The following IPO11 variants were observed in gnomAD, a reference collection of about 807,000 sequenced individuals.
The protein encoded by IPO11 is importin 11, also known as importin-11.
IPO11 carries 66 observed loss-of-function variants against 143.2 expected under a neutral mutation model. That is an observed-to-expected ratio of 0.46 (90% CI 0.38 to 0.57). IPO11 has a LOEUF of 0.57. Among genes scored for constraint, IPO11 ranks in the 20% least tolerant of loss-of-function variants. The pLI is 0.00. For synonymous variants in IPO11, 385 were observed against 377.8 expected, an observed-to-expected ratio of 1.02 and a Z score of -0.22; for missense variants, 1,026 against 1,141.0, an observed-to-expected ratio of 0.90 and a Z score of 1.45.
intron 1 of IPO11, 86 bp from the exon 2 acceptor site, chr5:62,437,188 T>A: frequency 9.2e-7 from 1 of 1,089,572 alleles, no homozygotes; most frequent in Non-Finnish European, 1.3e-6. Flanking sequence ...ATTCAGAACA[T>A]GAAAGCTTTT....
intron 21 of IPO11, among the ~76,000 whole-genome samples, chr5:62,529,505 T>C (rs73760832): frequency 0.018 from 2,670 of 152,272 alleles, 87 homozygotes; most frequent in African/African-American, 0.061. Flanking sequence ...CTATTAATGA[T>C]TTGGATCTAT....
chr5:62,519,325 A>T (rs188323900), intron 20 of IPO11, among the ~76,000 whole-genome samples: 2 of 152,310 alleles, frequency 1.3e-5, no homozygotes, highest in African/African-American at 4.8e-5. Context: ...GAAAAGTATC[A>T]GTACCCTGCT....
intron 1 of IPO11, among the ~76,000 whole-genome samples, chr5:62,424,759 C>T (rs1441838087): frequency 6.6e-6 from 1 of 152,054 alleles, no homozygotes; most frequent in Non-Finnish European, 1.5e-5. Context: ...TTGTTCTTAT[C>T]TTAAATGTGG....
chr5:62,513,647 G>A (rs1376148193), intron 19 of IPO11, among the ~76,000 whole-genome samples: 6 of 140,054 alleles, frequency 4.3e-5, no homozygotes, highest in African/African-American at 8.0e-5. Flanking sequence ...GGGCAGAGGC[G>A]CCCCTCACCT....
At chr5:62,480,163 G>A (rs1580227908) in intron 9 of IPO11, among the ~76,000 whole-genome samples, 1 of 152,190 alleles carries the variant, frequency 6.6e-6, no homozygotes, top group Non-Finnish European at 1.5e-5. Context: ...CATATGGCTA[G>A]CTAGTTTTCC....
At chr5:62,421,194 G>A (rs529892070) in intron 1 of IPO11, among the ~76,000 whole-genome samples, 4 of 152,188 alleles carry the variant, frequency 2.6e-5, no homozygotes, top group Admixed American at 1.3e-4. Context: ...TACACCCTTT[G>A]TTCACTTTTC....
At chr5:62,585,848 T>C (rs1355935057) in intron 27 of IPO11, among the ~76,000 whole-genome samples, 1 of 152,166 alleles carries the variant, frequency 6.6e-6, no homozygotes, top group African/African-American at 2.4e-5. Context: ...CAGAATTTGT[T>C]GATGAATTGA....
At chr5:62,591,521 C>A (rs1404918952) in intron 27 of IPO11, 56 bp from the exon 28 acceptor site, 28 of 967,638 alleles carry the variant, frequency 2.9e-5, no homozygotes, top group Non-Finnish European at 3.5e-5. Context: ...AAAAAAAAAA[C>A]AAAAAGAATT....
intron 27 of IPO11, among the ~76,000 whole-genome samples, chr5:62,570,549 A>G (rs75313716): frequency 6.6e-6 from 1 of 152,320 alleles, no homozygotes; most frequent in East Asian, 1.9e-4. Context: ...CATGCTGTGC[A>G]CTGAGGGCAC....
rs1016460119 is a variant in IPO11 at position 62,580,589 on chromosome 5, A to G, written c.2583-10988A>G. The G allele has an allele frequency of 3.9e-6, 6 of 1,551,310 alleles. No homozygotes were observed. The African/African-American group carries it at 4.1e-5, about 11-fold the overall frequency. ...TCTTCAGCCATTACTCTAAACATCT[A>G]TTGTCAGAATCCCCCATCCATGCGT... is the stretch of plus-strand genomic sequence containing the variant. On this transcript the variant is annotated intron_variant, in intron 27 of 29. Coordinates refer to ENST00000325324, the MANE Select transcript of IPO11 (RefSeq NM_016338.5).
chr5:62,526,395 A>G, intron 21 of IPO11, 138 bp downstream of exon 21: 5 of 599,100 alleles, frequency 8.3e-6, no homozygotes. Flanking sequence ...TGGGGCATAT[A>G]TCTCCTTTTT....
chr5:62,465,447 T>A (rs938225029), intron 5 of IPO11, among the ~76,000 whole-genome samples: 9 of 152,248 alleles, frequency 5.9e-5, no homozygotes, highest in Non-Finnish European at 1.3e-4. Flanking sequence ...TCCCACTTTT[T>A]AAATATTATT....
At chr5:62,533,080 A>G (rs567707607) in intron 22 of IPO11, among the ~76,000 whole-genome samples, 1 of 152,334 alleles carries the variant, frequency 6.6e-6, no homozygotes, top group African/African-American at 2.4e-5. Flanking sequence ...GTGTATTTAC[A>G]TCAATAATGA....
At chr5:62,507,089 A>C (rs116055631) in intron 19 of IPO11, among the ~76,000 whole-genome samples, 1 of 152,212 alleles carries the variant, frequency 6.6e-6, no homozygotes, top group Non-Finnish European at 1.5e-5. Flanking sequence ...ACTAATGACA[A>C]CATACTGACA....
Position 62,595,443 on chromosome 5 carries a change from A to T in IPO11, c.2678+3771A>T, listed in dbSNP as rs928828788. On this transcript the variant is annotated intron_variant, in intron 28 of 29. Coordinates refer to ENST00000325324, the MANE Select transcript of IPO11 (RefSeq NM_016338.5). ...ATAGTTGTGCTTATACCTGTAGCCT[A>T]TGCTTATTTTTATACCTTGATTTGT... 2.6e-5 allele frequency among the ~76,000 whole-genome samples: 4 copies of T among 152,342 alleles called. No homozygotes were observed. The South Asian group carries it at 8.3e-4, about 32-fold the overall frequency.
intron 7 of IPO11, among the ~76,000 whole-genome samples, chr5:62,473,349 A>G (rs1274105798): frequency 3.3e-5 from 5 of 152,152 alleles, no homozygotes. Flanking sequence ...TCTGCTTGAA[A>G]TGACAGAGAG....
chr5:62,579,689 A>G, intron 27 of IPO11: 1 of 1,548,302 alleles, frequency 6.5e-7, no homozygotes. Flanking sequence ...ACAGGACTTC[A>G]TTCTCTTGTA....
chr5:62,536,631 T>A lies in IPO11; in HGVS notation c.2090-71T>A, dbSNP rs752969082. On this transcript the variant is annotated intron_variant, in intron 22 of 29. Coordinates refer to ENST00000325324, the MANE Select transcript of IPO11 (RefSeq NM_016338.5). Reference sequence around the variant, plus strand: ...CAAATTAGTTTTAAATAACTATGAATCACTTCATTTAAACTAATTTTGAGC... The same window carrying A: ...CAAATTAGTTTTAAATAACTATGAAACACTTCATTTAAACTAATTTTGAGC... 6.0e-6 allele frequency: 9 copies of A among 1,507,656 alleles called. No homozygotes were observed. The East Asian group carries it at 2.3e-4, about 38-fold the overall frequency. 93.4% of individuals were successfully genotyped at this position (1,507,656 alleles called of 1,614,324 possible). A position where few individuals can be genotyped will look rare whatever the true frequency, so the allele number is the denominator to read the frequency against.
At chr5:62,603,434 T>A (rs1745581295) in intron 29 of IPO11, among the ~76,000 whole-genome samples, 1 of 129,462 alleles carries the variant, frequency 7.7e-6, no homozygotes, top group Non-Finnish European at 1.7e-5. Context: ...AGAGCAGCAT[T>A]TATATGCATT....
Sources: allele counts gnomAD v4.1 joint callset (sites outside exome capture counted in the v4.1 genomes callset), GRCh38; gene constraint gnomAD v4.1.1; transcripts MANE v1.5; gene names NCBI Gene and HGNC (gene_info 2026-07-23, HGNC 2026-07-21).